KLHDC8A: variants seen among roughly 807,000 people sequenced by gnomAD.
KLHDC8A encodes the protein kelch domain containing 8A, also known as kelch domain-containing protein 8A.
KLHDC8A carries 21 observed loss-of-function variants against 33.1 expected under a neutral mutation model. The observed-to-expected ratio is 0.64, with a 90% CI of 0.45 to 0.91. The LOEUF (loss-of-function observed/expected upper bound fraction) is 0.91, where lower values mean the gene tolerates loss of function less well. Ranked by LOEUF, KLHDC8A falls within the 40% of genes least tolerant of loss-of-function variation. The pLI is 0.00. For synonymous variants in KLHDC8A, 173 were observed against 193.5 expected (o/e 0.89, Z 0.88); for missense variants, 435 against 483.3 (o/e 0.90, Z 0.94).
At position 205,339,764 on chromosome 1, in the gene KLHDC8A, G is replaced by C. The variant is rs1172164953; in HGVS notation, c.421C>G (p.Pro141Ala). 6.2e-7 allele frequency: 1 copy of C among 1,614,036 alleles called. No individual in the cohort carries two copies. ...AAGGMGLDLR[P>A]HNHLQHYDML... ...TCATAGTGTTGGAGGTGGTTGTGTG[G>C]ACGTAGGTCCAGGCCCATCCCGCCT... Residue 141 changes from proline to alanine, a missense_variant, in exon 3 of 6, where the codon CCA (proline) becomes GCA (alanine). By Grantham distance (27) the Pro-to-Ala change is conservative. Transcript: ENST00000367155. This position sits in a 1 kb window ranked among gnomAD's most constrained non-coding sequence, Gnocchi z 5.1.
chr1:205,349,791 A>G (rs950787312), intron 1 of KLHDC8A, among the ~76,000 whole-genome samples: 2 of 152,196 alleles, frequency 1.3e-5, no homozygotes, highest in Non-Finnish European at 2.9e-5. Context: ...CGCCCGGGCC[A>G]TACTAGAAAA....
At chr1:205,341,312 T>C (rs1373703188) in intron 2 of KLHDC8A, among the ~76,000 whole-genome samples, 1 of 151,756 alleles carries the variant, frequency 6.6e-6, no homozygotes, top group East Asian at 1.9e-4. Flanking sequence ...ATTCTTAAGG[T>C]GATTGTAGGG....
In KLHDC8A at chr1:205,339,292, A is replaced by G. The variant is rs1487320260; in HGVS notation, c.659T>C (p.Leu220Pro). 6.8e-6 allele frequency: 11 copies of G among 1,614,194 alleles called. No homozygotes were observed. The highest frequency in any genetic ancestry group is 9.3e-6 in the Non-Finnish European group (11 of 1,180,032). Reference sequence around the variant, plus strand: ...TCCTAGGCTGTACAAGTGGTTGTCCAGGGTCACAAAGCTGGAGAAGGCCCG... The same window carrying G: ...TCCTAGGCTGTACAAGTGGTTGTCCGGGGTCACAAAGCTGGAGAAGGCCCG... ...YKRAFSSFVTLDNHLYSLGGL... is the reference protein window; with the variant it reads ...YKRAFSSFVTPDNHLYSLGGL... Residue 220 changes from leucine (L) to proline (P), a missense_variant, in exon 4 of 6, where the codon CTG becomes CCG. Leu to Pro is a moderately conservative substitution (Grantham distance 98). Transcript: ENST00000367155. The surrounding 1 kb of genome is among the most constrained non-coding windows in gnomAD (Gnocchi z 5.1).
rs764050985 is a variant in KLHDC8A at position 205,337,357 on chromosome 1, A to G, written c.*42T>C. 1.4e-6 allele frequency: 2 copies of G among 1,463,752 alleles called. No homozygotes were observed. Among genetic ancestry groups the G allele is most frequent in the East Asian group, 2.3e-5 (1 of 44,156 alleles). The allele number at this position is 1,463,752 out of a possible 1,614,324, so 90.7% of individuals were successfully genotyped here. A position where few individuals can be genotyped will look rare whatever the true frequency, so the allele number is the denominator to read the frequency against. ...AAGATCATTCCTCATGTTAAGAGTG[A>G]AGTGATATGGTCCAGGGCAAAGGTA... is the stretch of plus-strand genomic sequence containing the variant. On this transcript the variant is annotated 3_prime_UTR_variant, in exon 6 of 6. Coordinates refer to ENST00000367155, the MANE Select transcript of KLHDC8A (RefSeq NM_018203.3).
Position 205,337,058 on chromosome 1 carries a change from C to T in KLHDC8A, c.*341G>A, listed in dbSNP as rs1662652419. On this transcript the variant is annotated 3_prime_UTR_variant, in exon 6 of 6. Coordinates refer to ENST00000367155, the MANE Select transcript of KLHDC8A (RefSeq NM_018203.3). Reference sequence around the variant, plus strand: ...CAGTCTATCCTCTCGGTCAGAACTGCTCTACCTGCCTCCTGGAGATGGGGG... The same window carrying T: ...CAGTCTATCCTCTCGGTCAGAACTGTTCTACCTGCCTCCTGGAGATGGGGG... 6.1e-6 allele frequency: 2 copies of T among 329,448 alleles called. No individual in the cohort carries two copies. The highest frequency in any genetic ancestry group is 1.1e-5 in the Non-Finnish European group (2 of 174,602). 20.4% of individuals were successfully genotyped at this position (329,448 alleles called of 1,614,324 possible). A position where few individuals can be genotyped will look rare whatever the true frequency, so the allele number is the denominator to read the frequency against.
chr1:205,355,013 C>G (rs1663227906), intron 1 of KLHDC8A, among the ~76,000 whole-genome samples: 1 of 152,164 alleles, frequency 6.6e-6, no homozygotes, highest in African/African-American at 2.4e-5. Flanking sequence ...AGAGGTGAAG[C>G]AATTAGCCTC....
intron 1 of KLHDC8A, chr1:205,344,350 C>G (rs1662887593): frequency 6.6e-6 from 1 of 152,458 alleles, no homozygotes; most frequent in African/African-American, 2.4e-5. Flanking sequence ...CTGCTCCGCT[C>G]CGTCCCCATC....
intron 1 of KLHDC8A, among the ~76,000 whole-genome samples, chr1:205,352,233 C>T (rs936551021): frequency 1.4e-4 from 21 of 152,204 alleles, no homozygotes; most frequent in African/African-American, 4.8e-4. Flanking sequence ...AGCCCACCAG[C>T]CTCCCTGGGT....
chr1:205,343,685 C>T lies in KLHDC8A; in HGVS notation c.-81G>A. On this transcript the variant is annotated 5_prime_UTR_variant, in exon 2 of 6. Coordinates refer to ENST00000367155, the MANE Select transcript of KLHDC8A (RefSeq NM_018203.3). ...GGCTACTTGGCGCCGGCTCCCACGG[C>T]CCCTATCGCCACCTCCATCTGGCTC... is the stretch of plus-strand genomic sequence containing the variant. 1 of 1,410,560 alleles carries T rather than the reference C, an allele frequency of 7.1e-7. No individual in the cohort carries two copies. The allele number at this position is 1,410,560 out of a possible 1,614,324, so 87.4% of individuals were successfully genotyped here. A position where few individuals can be genotyped will look rare whatever the true frequency, so the allele number is the denominator to read the frequency against.
Position 205,343,703 on chromosome 1 carries a change from T to C in KLHDC8A, c.-99A>G. 20 of 1,321,166 alleles carry C rather than the reference T, an allele frequency of 1.5e-5. No individual in the cohort carries two copies. The highest frequency in any genetic ancestry group is 2.0e-5 in the Non-Finnish European group (20 of 989,214). The allele number at this position is 1,321,166 out of a possible 1,614,324, so 81.8% of individuals were successfully genotyped here. On this transcript the variant is annotated 5_prime_UTR_variant, in exon 2 of 6. It removes an upstream start codon present in the reference 5' UTR. Coordinates refer to ENST00000367155, the MANE Select transcript of KLHDC8A (RefSeq NM_018203.3). ...CCCACGGCCCCTATCGCCACCTCCA[T>C]CTGGCTCCCGAGCGCCGGACCCAGC...
chr1:205,350,822 T>C (rs973581969), intron 1 of KLHDC8A, among the ~76,000 whole-genome samples: 1 of 151,988 alleles, frequency 6.6e-6, no homozygotes, highest in Non-Finnish European at 1.5e-5. Flanking sequence ...TGTGTGTGTG[T>C]GCATGCATGT....
intron 5 of KLHDC8A, among the ~76,000 whole-genome samples, chr1:205,337,974 C>G (rs1558683220): frequency 6.6e-6 from 1 of 152,192 alleles, no homozygotes; most frequent in South Asian, 2.1e-4. Flanking sequence ...TACCTGGAAG[C>G]CCTGCTGCCT....
chr1:205,343,309 A>T lies in KLHDC8A; in HGVS notation c.296T>A (p.Met99Lys). 6.2e-7 allele frequency: 1 copy of T among 1,613,378 alleles called. No individual in the cohort carries two copies. The highest frequency in any genetic ancestry group is 8.5e-7 in the Non-Finnish European group (1 of 1,179,914). ...CCACTTGCCCTCATCGATGTTGTAC[A>T]TCTCCACGACCTTCAGGGGCAGCTG... ...TNQLPLKVVE[M>K]YNIDEGKWKK... The change falls in exon 2 of 6, where the codon ATG becomes AAG. Residue 99 changes from methionine (M) to lysine (K), a missense_variant. Physicochemically the swap from Met to Lys is moderately conservative, Grantham distance 95. Transcript: ENST00000367155.
intron 1 of KLHDC8A, among the ~76,000 whole-genome samples, chr1:205,351,807 T>C (rs939085759): frequency 5.3e-5 from 8 of 151,880 alleles, no homozygotes; most frequent in Non-Finnish European, 1.2e-4. Flanking sequence ...TAATCCCAGC[T>C]ACTTGGGAGG....
At chr1:205,356,467 C>T (rs186186944) in intron 1 of KLHDC8A, 66 bp downstream of exon 1, 1 of 451,572 alleles carries the variant, frequency 2.2e-6, no homozygotes, top group African/African-American at 2.0e-5. Flanking sequence ...CTGCCTGTCT[C>T]CCCACCAGCA....
chr1:205,353,046 T>C (rs1663162495), intron 1 of KLHDC8A, among the ~76,000 whole-genome samples: 1 of 152,236 alleles, frequency 6.6e-6, no homozygotes, highest in Admixed American at 6.5e-5. Flanking sequence ...CTTCCTTGGA[T>C]GCCATCTCCC....
chr1:205,354,280 A>T (rs1663201975), intron 1 of KLHDC8A, among the ~76,000 whole-genome samples: 1 of 152,248 alleles, frequency 6.6e-6, no homozygotes, highest in Non-Finnish European at 1.5e-5. Flanking sequence ...TGGAAAGATT[A>T]AATTTGCATT....
At position 205,343,648 on chromosome 1, in the gene KLHDC8A, C is replaced by A. The variant is rs767373137; in HGVS notation, c.-44G>T. The A allele has an allele frequency of 6.6e-7, 1 of 1,517,706 alleles. No individual in the cohort carries two copies. Among genetic ancestry groups the A allele is most frequent in the South Asian group, 1.3e-5 (1 of 76,912 alleles). 94.0% of individuals were successfully genotyped at this position (1,517,706 alleles called of 1,614,324 possible). A position where few individuals can be genotyped will look rare whatever the true frequency, so the allele number is the denominator to read the frequency against. ...CCGGGCGCCGGGAGAGGTGCGAGCG[C>A]GGGGGTCCACCGGCTACTTGGCGCC... On this transcript the variant is annotated 5_prime_UTR_variant, in exon 2 of 6. Transcript: ENST00000367155.
intron 2 of KLHDC8A, among the ~76,000 whole-genome samples, chr1:205,341,450 C>T (rs115864301): frequency 0.02 from 3,036 of 152,194 alleles, 52 homozygotes; most frequent in South Asian, 0.069. Flanking sequence ...CCCTCCCATC[C>T]TGTGTTACTT....
Sources: allele counts gnomAD v4.1 joint callset (sites outside exome capture counted in the v4.1 genomes callset), GRCh38; gene constraint gnomAD v4.1.1; non-coding constraint Gnocchi (gnomAD v3.1); transcripts MANE v1.5; gene names NCBI Gene and HGNC (gene_info 2026-07-23, HGNC 2026-07-21).